Variants in DLGAP1 observed in about 807,000 individuals in gnomAD.
The protein encoded by DLGAP1 is DLG associated protein 1, also known as disks large-associated protein 1.
A neutral mutation model predicts 90.8 loss-of-function variants in DLGAP1; 11 were observed. The observed-to-expected ratio is 0.12, with a 90% confidence interval of 0.08 to 0.20. The LOEUF (loss-of-function observed/expected upper bound fraction) is 0.20. Ranked by LOEUF, DLGAP1 falls within the 10% of genes least tolerant of loss-of-function variation. DLGAP1 has a pLI of 1.00. For synonymous variants in DLGAP1, 558 were observed against 540.7 expected (o/e 1.03, Z -0.44); for missense variants, 1,050 against 1,333.8 (o/e 0.79, Z 3.31).
chr18:3,622,808 T>C (rs2058144343), intron 7 of DLGAP1, among the ~76,000 whole-genome samples: 1 of 151,912 alleles, frequency 6.6e-6, no homozygotes, highest in Non-Finnish European at 1.5e-5. Context: ...TTTTTTTTTC[T>C]TTTTCTTTTT....
chr18:3,689,358 G>A (rs988595526), intron 7 of DLGAP1, among the ~76,000 whole-genome samples: 1 of 152,250 alleles, frequency 6.6e-6, no homozygotes, highest in East Asian at 1.9e-4. Flanking sequence ...CTGTTTGACC[G>A]TTAATGGGTT....
intron 3 of DLGAP1, among the ~76,000 whole-genome samples, chr18:3,943,267 A>G (rs1245388402): frequency 6.6e-6 from 1 of 152,188 alleles, no homozygotes; most frequent in African/African-American, 2.4e-5. Flanking sequence ...GAAAGAAGAA[A>G]GGGAAAAAGG....
chr18:3,879,157 C>T lies in DLGAP1; in HGVS notation c.912G>A (p.Val304=). ...GTTCTTGCTGACACGACTCGGACTT[C>T]ACCATGGCCTGGTCCATGTTCACCG... ...KASVNMDQAM[V]KSESCQQERS... Residue 304 remains valine, a synonymous_variant, in exon 4 of 13, where the codon GTG becomes GTA. Transcript: ENST00000315677. The surrounding 1 kb of genome is among the most constrained non-coding windows in gnomAD (Gnocchi z 6.6). 6.6e-7 allele frequency: 1 copy of T among 1,510,946 alleles called. No homozygotes were observed. Among genetic ancestry groups the T allele is most frequent in the Non-Finnish European group, 8.9e-7 (1 of 1,129,660 alleles). 93.6% of individuals were successfully genotyped at this position (1,510,946 alleles called of 1,614,324 possible). A position where few individuals can be genotyped will look rare whatever the true frequency, so the allele number is the denominator to read the frequency against.
chr18:4,319,273 A>C (rs1329377972), intron 1 of DLGAP1, among the ~76,000 whole-genome samples: 1 of 152,248 alleles, frequency 6.6e-6, no homozygotes, highest in Admixed American at 6.5e-5. Context: ...CTGGAACAAA[A>C]GAACAGTAAC....
At chr18:3,911,354 G>T (rs2072030053) in intron 3 of DLGAP1, among the ~76,000 whole-genome samples, 1 of 152,152 alleles carries the variant, frequency 6.6e-6, no homozygotes, top group South Asian at 2.1e-4. Flanking sequence ...GAGGGTAAGG[G>T]AAGGGAATAG....
At chr18:4,434,895 T>G (rs2083367045) in intron 1 of DLGAP1, among the ~76,000 whole-genome samples, 1 of 151,962 alleles carries the variant, frequency 6.6e-6, no homozygotes, top group African/African-American at 2.4e-5. Flanking sequence ...ACCGTGTTAT[T>G]TAGGAAATGA....
chr18:3,863,261 C>T (rs549761726), intron 4 of DLGAP1, among the ~76,000 whole-genome samples: 1 of 152,260 alleles, frequency 6.6e-6, no homozygotes, highest in African/African-American at 2.4e-5. Flanking sequence ...AAAAGGAACC[C>T]TAGGGCTCAT....
chr18:3,558,715 TTC>T (rs1321588597), intron 9 of DLGAP1, among the ~76,000 whole-genome samples: 1 of 152,236 alleles, frequency 6.6e-6, no homozygotes, highest in Non-Finnish European at 1.5e-5. Context: ...GCTAGACATT[TTC>T]TCTTTTTCCA....
intron 5 of DLGAP1, among the ~76,000 whole-genome samples, chr18:3,807,286 C>T (rs144298193): frequency 6.6e-6 from 1 of 152,150 alleles, no homozygotes; most frequent in Non-Finnish European, 1.5e-5. Flanking sequence ...TCTTCCTTTC[C>T]CCTCCATTAT....
intron 1 of DLGAP1, among the ~76,000 whole-genome samples, chr18:4,341,086 A>C (rs1352716569): frequency 6.6e-6 from 1 of 152,080 alleles, no homozygotes; most frequent in Non-Finnish European, 1.5e-5. Flanking sequence ...AATCTACTTA[A>C]TACTAGACCT....
intron 10 of DLGAP1, among the ~76,000 whole-genome samples, chr18:3,512,903 T>C (rs895706115): frequency 6.6e-6 from 1 of 152,226 alleles, no homozygotes; most frequent in African/African-American, 2.4e-5. Flanking sequence ...ATCTACCCTC[T>C]TAACAAATAT....
intron 1 of DLGAP1, among the ~76,000 whole-genome samples, chr18:4,421,407 T>C (rs1411751238): frequency 6.6e-6 from 1 of 152,168 alleles, no homozygotes; most frequent in Non-Finnish European, 1.5e-5. Context: ...CTTTTCAAGA[T>C]CATTAATTTA....
chr18:4,077,639 C>G (rs567856907), intron 2 of DLGAP1, among the ~76,000 whole-genome samples: 8 of 152,094 alleles, frequency 5.3e-5, no homozygotes, highest in African/African-American at 1.2e-4. Flanking sequence ...CTTCTCTCCC[C>G]CTCTGCCACA....
At chr18:3,892,289 A>AT (rs1245869541) in intron 3 of DLGAP1, among the ~76,000 whole-genome samples, 1 of 152,092 alleles carries the variant, frequency 6.6e-6, no homozygotes, top group African/African-American at 2.4e-5. Context: ...AAGCCTTTGA[A>AT]TGTGACTCAA....
At chr18:3,963,366 G>T (rs1405367007) in intron 3 of DLGAP1, among the ~76,000 whole-genome samples, 1 of 152,156 alleles carries the variant, frequency 6.6e-6, no homozygotes, top group Non-Finnish European at 1.5e-5. Flanking sequence ...GCTGGGCCTT[G>T]TGAGGCTGAA....
chr18:4,427,141 C>A (rs1377544137), intron 1 of DLGAP1, among the ~76,000 whole-genome samples: 1 of 152,118 alleles, frequency 6.6e-6, no homozygotes, highest in Non-Finnish European at 1.5e-5. Context: ...CAAGGTGAGC[C>A]ACAGACACAG....
Position 3,497,334 on chromosome 18 carries a change from T to C in DLGAP1, c.*1851A>G, listed in dbSNP as rs2049728224. On this transcript the variant is annotated 3_prime_UTR_variant, in exon 13 of 13. Coordinates refer to ENST00000315677, the MANE Select transcript of DLGAP1 (RefSeq NM_004746.4). ...AGCACTTTGAGTGCTTTGTTCACCC[T>C]AGTTAAAAGTTGGTTCGTTGGTTTC... 1 of 152,182 alleles carries C rather than the reference T, an allele frequency of 6.6e-6. No individual in the cohort carries two copies. The highest frequency in any genetic ancestry group is 1.5e-5 in the Non-Finnish European group (1 of 68,016). The allele number at this position is 152,182 out of a possible 1,614,324, so 9.4% of individuals were successfully genotyped here. A position where few individuals can be genotyped will look rare whatever the true frequency, so the allele number is the denominator to read the frequency against.
intron 7 of DLGAP1, among the ~76,000 whole-genome samples, chr18:3,662,090 T>A (rs1360741829): frequency 7.3e-6 from 1 of 137,766 alleles, no homozygotes. Context: ...AAGTGCCATT[T>A]AAAAATTTAA....
intron 1 of DLGAP1, among the ~76,000 whole-genome samples, chr18:4,391,654 C>T (rs1055893331): frequency 6.6e-6 from 1 of 152,072 alleles, no homozygotes; most frequent in African/African-American, 2.4e-5. Context: ...CTGGTCCTTC[C>T]TAGAAGCATA....
Sources: allele counts gnomAD v4.1 joint callset (sites outside exome capture counted in the v4.1 genomes callset), GRCh38; gene constraint gnomAD v4.1.1; non-coding constraint Gnocchi (gnomAD v3.1); transcripts MANE v1.5; gene names NCBI Gene and HGNC (gene_info 2026-07-23, HGNC 2026-07-21).